EPS15L1: variants seen among roughly 807,000 people sequenced by gnomAD.
EPS15L1 encodes epidermal growth factor receptor pathway substrate 15 like 1.
Under a neutral mutation model 117.1 loss-of-function variants are expected in EPS15L1, and 43 were observed. The ratio of observed to expected loss-of-function variants is 0.37; its 90% CI spans 0.29 to 0.47. EPS15L1 has a LOEUF of 0.47. EPS15L1 is among the 20% of genes least tolerant of loss of function. EPS15L1 has a pLI of 0.99. For synonymous variants in EPS15L1, 459 were observed against 470.5 expected (o/e 0.98, Z 0.32); for missense variants, 981 against 1,164.0 (o/e 0.84, Z 2.29).
At chr19:16,379,539 G>A (rs980571104) in intron 21 of EPS15L1, among the ~76,000 whole-genome samples, 3 of 152,246 alleles carry the variant, frequency 2.0e-5, no homozygotes, top group Non-Finnish European at 4.4e-5. Flanking sequence ...ACCACGTCCA[G>A]CAGACAGTCT....
intron 13 of EPS15L1, among the ~76,000 whole-genome samples, chr19:16,410,298 T>C (rs1292301681): frequency 1.3e-5 from 2 of 152,102 alleles, no homozygotes; most frequent in Non-Finnish European, 2.9e-5. Context: ...GACATGCCAA[T>C]GAAATCCACA....
chr19:16,385,043 TG>T lies in EPS15L1; in HGVS notation c.2247+85del, dbSNP rs370620443. 1.2e-4 allele frequency: 127 copies of T among 1,048,638 alleles called. No homozygotes were observed. The African/African-American group carries it at 1.7e-3, about 14-fold the overall frequency. The allele number at this position is 1,048,638 out of a possible 1,614,324, so 65.0% of individuals were successfully genotyped here. A position where few individuals can be genotyped will look rare whatever the true frequency, so the allele number is the denominator to read the frequency against. ...GTGCCGGGGAGATACATACGTGACA[TG>T]AACAATTACGCCTGGCAGCCCACAC... On this transcript the variant is annotated intron_variant, in intron 21 of 23. Transcript: ENST00000455140.
At chr19:16,366,642 A>G (rs566428810) in intron 22 of EPS15L1, among the ~76,000 whole-genome samples, 19 of 152,298 alleles carry the variant, frequency 1.2e-4, no homozygotes, top group Admixed American at 1.2e-3. Flanking sequence ...AGGAACATCA[A>G]CAACAACAAC....
At chr19:16,458,903 C>T (rs528511941) in intron 1 of EPS15L1, among the ~76,000 whole-genome samples, 71 of 152,308 alleles carry the variant, frequency 4.7e-4, no homozygotes, top group African/African-American at 1.7e-3. Flanking sequence ...CTGAGAGTTG[C>T]ATCGTCAGGT....
In EPS15L1 at chr19:16,386,043, TG is replaced by T. The variant is rs1011491601; in HGVS notation, c.2164+127del. 6 of 726,946 alleles carry T rather than the reference TG, an allele frequency of 8.3e-6. No individual in the cohort carries two copies. In the African/African-American group the frequency reaches 1.1e-4, roughly 13 times the overall value. The allele number at this position is 726,946 out of a possible 1,614,324, so 45.0% of individuals were successfully genotyped here. Reference sequence around the variant, plus strand: ...GGCCTAATGGGCTCAGGCCAGGATCTGGGTGCCACTGACTGATGACACAAAC... The same window carrying T: ...GGCCTAATGGGCTCAGGCCAGGATCTGGTGCCACTGACTGATGACACAAAC... On this transcript the variant is annotated intron_variant, in intron 20 of 23. Transcript: ENST00000455140.
At chr19:16,406,236 T>C (rs956992652) in intron 13 of EPS15L1, among the ~76,000 whole-genome samples, 1 of 152,148 alleles carries the variant, frequency 6.6e-6, no homozygotes, top group Non-Finnish European at 1.5e-5. Flanking sequence ...CTCAGGAAGC[T>C]GGGGTCTCCG....
chr19:16,434,131 G>A (rs202179516), intron 7 of EPS15L1, among the ~76,000 whole-genome samples: 1 of 152,310 alleles, frequency 6.6e-6, no homozygotes, highest in Admixed American at 6.5e-5. Flanking sequence ...CCTCATCTGT[G>A]AAGTGGAAGG....
intron 1 of EPS15L1, among the ~76,000 whole-genome samples, chr19:16,462,837 C>A (rs1009311156): frequency 3.9e-5 from 6 of 152,194 alleles, no homozygotes; most frequent in African/African-American, 1.4e-4. Context: ...CACCCAGCTG[C>A]TTCCTCCAGG....
chr19:16,382,260 AT>A (rs2092371710), intron 21 of EPS15L1, among the ~76,000 whole-genome samples: 1 of 152,192 alleles, frequency 6.6e-6, no homozygotes, highest in Non-Finnish European at 1.5e-5. Flanking sequence ...TGCCCGCGTC[AT>A]TTCCGAATCC....
chr19:16,449,370 T>C (rs1405442322), intron 1 of EPS15L1, among the ~76,000 whole-genome samples: 1 of 152,090 alleles, frequency 6.6e-6, no homozygotes, highest in African/African-American at 2.4e-5. Context: ...CAAATAAACG[T>C]ATGAAAATAT....
intron 19 of EPS15L1, among the ~76,000 whole-genome samples, chr19:16,387,203 T>C (rs910957253): frequency 3.3e-5 from 5 of 152,158 alleles, no homozygotes; most frequent in Admixed American, 2.0e-4. Flanking sequence ...ACTGAAAAAG[T>C]GTATCTACAA....
chr19:16,447,743 G>A (rs1470326619), intron 1 of EPS15L1, among the ~76,000 whole-genome samples: 1 of 149,978 alleles, frequency 6.7e-6, no homozygotes, highest in Non-Finnish European at 1.5e-5. Flanking sequence ...CTGAGCGACA[G>A]AGCAAGACTT....
intron 8 of EPS15L1, among the ~76,000 whole-genome samples, chr19:16,425,866 C>A (rs189834782): frequency 6.6e-6 from 1 of 152,270 alleles, no homozygotes; most frequent in African/African-American, 2.4e-5. Context: ...ATGAGGCAGG[C>A]CACAGCCATA....
rs557403279 is a variant in EPS15L1 at position 16,471,214 on chromosome 19, A to T, written c.33+699T>A. Among the ~76,000 whole-genome samples the T allele has an allele frequency of 6.6e-6, 1 of 152,362 alleles. No individual in the cohort carries two copies. Among genetic ancestry groups the T allele is most frequent in the South Asian group, 2.1e-4 (1 of 4,830 alleles). Reference sequence around the variant, plus strand: ...CGACCTTGTCTGTCTGGAAGAATGCAGCGCTCCCAGCACCTGACCCAACGC... The same window carrying T: ...CGACCTTGTCTGTCTGGAAGAATGCTGCGCTCCCAGCACCTGACCCAACGC... On this transcript the variant is annotated intron_variant, in intron 1 of 23. Coordinates refer to ENST00000455140, the MANE Select transcript of EPS15L1 (RefSeq NM_001258374.3). This position sits in a 1 kb window ranked among gnomAD's most constrained non-coding sequence, Gnocchi z 4.8.
intron 1 of EPS15L1, among the ~76,000 whole-genome samples, chr19:16,450,182 G>C (rs935678986): frequency 1.3e-5 from 2 of 152,114 alleles, no homozygotes; most frequent in African/African-American, 4.8e-5. Context: ...AGGAGTTCAA[G>C]GCTGCAGTGA....
Position 16,442,198 on chromosome 19 carries a change from A to C in EPS15L1, c.55T>G (p.Tyr19Asp), listed in dbSNP as rs1009012727. The change falls in exon 2 of 24, where the codon TAT becomes GAT. Residue 19 changes from tyrosine (Y) to aspartate (D), a missense_variant. Around this residue, in one of 5 missense-constraint regions of EPS15L1, gnomAD observed 62 missense variants for 104.2 expected, o/e 0.59. Coordinates refer to ENST00000455140, the MANE Select transcript of EPS15L1 (RefSeq NM_001258374.3). ...SQQIPTGNSL[Y>D]ESYYKQVDPA... is the part of the protein sequence containing the mutation. ...CTTACCTGCTTGTAATAAGATTCAT[A>C]CAACGAATTTCCAGTGGGAATCTGT... 1 of 1,613,556 alleles carries C rather than the reference A, an allele frequency of 6.2e-7. No individual in the cohort carries two copies. Among genetic ancestry groups the C allele is most frequent in the African/African-American group, 1.3e-5 (1 of 74,924 alleles).
chr19:16,412,230 A>C (rs1349703166), intron 13 of EPS15L1, among the ~76,000 whole-genome samples: 1 of 152,128 alleles, frequency 6.6e-6, no homozygotes, highest in Non-Finnish European at 1.5e-5. Flanking sequence ...AAGCAACTTT[A>C]AAAACTTTAG....
chr19:16,399,975 T>C (rs114931124), intron 16 of EPS15L1, among the ~76,000 whole-genome samples: 4,107 of 152,256 alleles, frequency 0.027, 64 homozygotes, highest in Middle Eastern at 0.044. Flanking sequence ...CATAAGTTGA[T>C]TGGATGGTGA....
chr19:16,470,023 G>A (rs959031627), intron 1 of EPS15L1, among the ~76,000 whole-genome samples: 1 of 152,122 alleles, frequency 6.6e-6, no homozygotes, highest in African/African-American at 2.4e-5. Flanking sequence ...ATTTCCAAAC[G>A]AAGAAAACCA....
Sources: allele counts gnomAD v4.1 joint callset (sites outside exome capture counted in the v4.1 genomes callset), GRCh38; gene constraint gnomAD v4.1.1; regional missense constraint gnomAD v4.1.1; non-coding constraint Gnocchi (gnomAD v3.1); transcripts MANE v1.5; gene names NCBI Gene and HGNC (gene_info 2026-07-23, HGNC 2026-07-21).